Variants in CAPN3 observed in about 807,000 individuals in gnomAD.
The protein encoded by CAPN3 is calpain-3.
CAPN3 carries 88 observed loss-of-function variants against 114.0 expected under a neutral mutation model. That is an observed-to-expected ratio of 0.77 (90% CI 0.65 to 0.92). The LOEUF (loss-of-function observed/expected upper bound fraction) is 0.92, where lower values mean the gene tolerates loss of function less well. Ranked by LOEUF, CAPN3 falls within the 40% of genes least tolerant of loss-of-function variation. The pLI is 0.00. For missense variants in CAPN3, 1,028 were observed against 1,069.0 expected, an observed-to-expected ratio of 0.96 and a Z score of 0.53; for synonymous variants, 386 against 382.9, an observed-to-expected ratio of 1.01 and a Z score of -0.09.
intron 14 of CAPN3, among the ~76,000 whole-genome samples, chr15:42,404,573 T>C (rs1402290207): frequency 6.6e-6 from 1 of 152,224 alleles, no homozygotes; most frequent in Non-Finnish European, 1.5e-5. Context: ...ACCTCCACGC[T>C]GAGGCCAGCC....
At position 42,384,545 on chromosome 15, in the gene CAPN3, A is replaced by G; in HGVS notation, c.372A>G (p.Gly124=). The G allele has an allele frequency of 6.2e-7, 1 of 1,612,656 alleles. No homozygotes were observed. The highest frequency in any genetic ancestry group is 8.5e-7 in the Non-Finnish European group (1 of 1,178,634). The change falls in exon 2 of 24, where the codon GGA becomes GGG. Residue 124 remains glycine (G), a synonymous_variant. Transcript: ENST00000397163. ...CCAACAGAACTGACATCTGTCAAGGAGAGCTAGGTAGGAAAGTGCCTCAGG... is the reference window on the plus strand; with the variant it reads ...CCAACAGAACTGACATCTGTCAAGGGGAGCTAGGTAGGAAAGTGCCTCAGG... ...DGANRTDICQ[G]ELGDCWFLAA... is the part of the protein sequence containing the mutation.
At chr15:42,409,093 T>C in intron 16 of CAPN3, 1 of 599,530 alleles carries the variant, frequency 1.7e-6, no homozygotes, top group Admixed American at 2.7e-5. Context: ...CTCCTTTGGC[T>C]GGGGGCGTCA....
At chr15:42,406,995 G>T (rs959735924) in intron 15 of CAPN3, among the ~76,000 whole-genome samples, 2 of 152,142 alleles carry the variant, frequency 1.3e-5, no homozygotes, top group African/African-American at 4.8e-5. Context: ...TGGTGCATGA[G>T]TCCAGGCGGG....
At position 42,368,693 on chromosome 15, in the gene CAPN3, A is replaced by G. The variant is rs929902460; in HGVS notation, c.309+8579A>G. Among the ~76,000 whole-genome samples, 37 of 152,208 alleles carry G rather than the reference A, an allele frequency of 2.4e-4. 1 individual carries two copies. The highest frequency in any genetic ancestry group is 1.2e-4 in the Non-Finnish European group (8 of 68,024). On this transcript the variant is annotated intron_variant, in intron 1 of 23. Transcript: ENST00000397163. ...ATTATAAAACATAACTACCAAGAATAATGAGTATTGACTATACTTCATTTT... is the reference window on the plus strand; with the variant it reads ...ATTATAAAACATAACTACCAAGAATGATGAGTATTGACTATACTTCATTTT...
At chr15:42,360,410 C>G (rs547599595) in intron 1 of CAPN3, among the ~76,000 whole-genome samples, 262 of 151,534 alleles carry the variant, frequency 1.7e-3, no homozygotes, top group African/African-American at 6.2e-3. Context: ...GTGGGTGGAA[C>G]TCAGTTTAAT....
At position 42,390,025 on chromosome 15, in the gene CAPN3, A is replaced by T. The variant is rs1555420773; in HGVS notation, c.874A>T (p.Arg292Trp). 1 of 1,614,066 alleles carries T rather than the reference A, an allele frequency of 6.2e-7. No individual in the cohort carries two copies. Among genetic ancestry groups the T allele is most frequent in the South Asian group, 1.1e-5 (1 of 91,080 alleles). The part of the protein sequence containing the change: ...NMGELIARMV[R>W]NMDNSLLQDS... ...GGGGGAGTTGATTGCACGGATGGTA[A>T]GGAATATGGATAACTCACTGCTCCA... The change falls in exon 6 of 24, where the codon AGG (arginine) becomes TGG (tryptophan). Residue 292 changes from arginine to tryptophan, a missense_variant. Physicochemically the swap from Arg to Trp is moderately radical, Grantham distance 101. Coordinates refer to ENST00000397163, the MANE Select transcript of CAPN3 (RefSeq NM_000070.3).
Position 42,359,801 on chromosome 15 carries a change from T to G in CAPN3, c.-5T>G. On this transcript the variant is annotated 5_prime_UTR_variant, in exon 1 of 24. Transcript: ENST00000397163. ...AAAAAGCTTTTTCTTCCAAAGCCAC[T>G]TGCCATGCCGACCGTCATTAGCGCA... 1 of 1,613,340 alleles carries G rather than the reference T, an allele frequency of 6.2e-7. No individual in the cohort carries two copies. Among genetic ancestry groups the G allele is most frequent in the South Asian group, 1.1e-5 (1 of 91,054 alleles).
At chr15:42,368,825 G>C (rs1399232385) in intron 1 of CAPN3, among the ~76,000 whole-genome samples, 2 of 152,236 alleles carry the variant, frequency 1.3e-5, no homozygotes, top group African/African-American at 4.8e-5. Flanking sequence ...GCCAAGGCGG[G>C]TGGATCACTT....
intron 19 of CAPN3, 65 bp downstream of exon 19, chr15:42,410,060 A>G: frequency 6.8e-7 from 1 of 1,466,146 alleles, no homozygotes; most frequent in Non-Finnish European, 9.5e-7. Flanking sequence ...GGCAACATAC[A>G]GGGTGCCCAG....
intron 2 of CAPN3, among the ~76,000 whole-genome samples, chr15:42,385,510 TTA>T (rs148849340): frequency 1.3e-5 from 2 of 149,238 alleles, no homozygotes; most frequent in Non-Finnish European, 1.5e-5. Flanking sequence ...ACACCCCCTA[TTA>T]TATATATATA....
Position 42,409,982 on chromosome 15 carries a change from T to C in CAPN3, c.2102T>C (p.Ile701Thr), listed in dbSNP as rs1008776680. ...GFTLESCRSM[I>T]ALMDTDGSGK... ...ACACTGGAGTCCTGCCGTAGCATGA[T>C]TGCGCTCATGGATGTATCCTTCCTG... Residue 701 changes from isoleucine (I) to threonine (T), a missense_variant, in exon 19 of 24, where the codon ATT becomes ACT. Coordinates refer to ENST00000397163, the MANE Select transcript of CAPN3 (RefSeq NM_000070.3). The C allele has an allele frequency of 1.1e-5, 17 of 1,612,030 alleles. 1 individual carries two copies. Among genetic ancestry groups the C allele is most frequent in the Middle Eastern group, 2.2e-4 (1 of 4,536 alleles).
chr15:42,402,148 C>A lies in CAPN3; in HGVS notation c.1536+13C>A, dbSNP rs1320913341. The A allele has an allele frequency of 1.2e-6, 2 of 1,614,094 alleles. 1 individual carries two copies. Among genetic ancestry groups the A allele is most frequent in the South Asian group, 2.2e-5 (2 of 91,088 alleles). Reference sequence around the variant, plus strand: ...GGTTCCCAAAGAGGTATAGCAGCAGCAGCGGCCAGCAGTTGTGTGCAGCAC... The same window carrying A: ...GGTTCCCAAAGAGGTATAGCAGCAGAAGCGGCCAGCAGTTGTGTGCAGCAC... On this transcript the variant is annotated intron_variant, in intron 12 of 23. Transcript: ENST00000397163.
chr15:42,359,732 CAG>C lies in CAPN3; in HGVS notation c.-73_-72del. On this transcript the variant is annotated 5_prime_UTR_variant, in exon 1 of 24. An upstream open reading frame in the 5' UTR loses its in-frame stop. Transcript: ENST00000397163. Reference sequence around the variant, plus strand: ...CAGAATTACTCCAACTTCCCCTTTGCAGTTGCTTCCTTTCCTTGAAGGTAGCT... The same window carrying C: ...CAGAATTACTCCAACTTCCCCTTTGCTTGCTTCCTTTCCTTGAAGGTAGCT... 2 of 1,605,864 alleles carry C rather than the reference CAG, an allele frequency of 1.2e-6. No homozygotes were observed. The highest frequency in any genetic ancestry group is 1.7e-6 in the Non-Finnish European group (2 of 1,177,850).
At chr15:42,393,927 C>T (rs745872824) in intron 7 of CAPN3, among the ~76,000 whole-genome samples, 1 of 152,084 alleles carries the variant, frequency 6.6e-6, no homozygotes, top group Non-Finnish European at 1.5e-5. Context: ...TATGAAGACA[C>T]CTAATTTATA....
intron 12 of CAPN3, chr15:42,402,541 T>C: frequency 6.9e-7 from 1 of 1,451,650 alleles, no homozygotes; most frequent in South Asian, 1.4e-5. Flanking sequence ...GCTTCGGAGC[T>C]GAGGAGCAGC....
At chr15:42,403,808 T>G in intron 14 of CAPN3, 31 bp downstream of exon 14, 1 of 1,607,970 alleles carries the variant, frequency 6.2e-7, no homozygotes, top group Non-Finnish European at 8.5e-7. Flanking sequence ...GTGCGAAAAG[T>G]CCAGAGGGTC....
At chr15:42,399,766 C>A in intron 10 of CAPN3, 114 bp downstream of exon 10, 2 of 941,222 alleles carry the variant, frequency 2.1e-6, no homozygotes, top group Admixed American at 2.9e-5. Context: ...TCTTATTAAA[C>A]CTTCCCTGTT....
intron 6 of CAPN3, 130 bp from the exon 7 acceptor site, chr15:42,392,509 A>T: frequency 1.4e-6 from 1 of 728,336 alleles, no homozygotes. Context: ...GTCGTGAGGC[A>T]CACTTTCAGG....
chr15:42,387,809 C>T lies in CAPN3; in HGVS notation c.555C>T (p.Tyr185=), dbSNP rs763449646. ...DVVIDDCLPT[Y]NNQLVFTKSN... ...TTATAGATGACTGCCTGCCAACGTA[C>T]AACAATCAACTGGTTTTCACCAAGT... The change falls in exon 4 of 24, where the codon TAC becomes TAT. Residue 185 remains tyrosine, a synonymous_variant. Coordinates refer to ENST00000397163, the MANE Select transcript of CAPN3 (RefSeq NM_000070.3). 2.5e-6 allele frequency: 4 copies of T among 1,614,046 alleles called. No homozygotes were observed. Among genetic ancestry groups the T allele is most frequent in the Non-Finnish European group, 3.4e-6 (4 of 1,180,022 alleles).
Sources: allele counts gnomAD v4.1 joint callset (sites outside exome capture counted in the v4.1 genomes callset), GRCh38; gene constraint gnomAD v4.1.1; transcripts MANE v1.5; gene names NCBI Gene and HGNC (gene_info 2026-07-23, HGNC 2026-07-21).